CDH6: variants seen among roughly 807,000 people sequenced by gnomAD.
CDH6 encodes cadherin 6.
Under a neutral mutation model 78.0 loss-of-function variants are expected in CDH6, and 31 were observed. The ratio of observed to expected loss-of-function variants is 0.40; its 90% CI spans 0.30 to 0.54. The LOEUF (loss-of-function observed/expected upper bound fraction) is 0.54, where lower values mean the gene tolerates loss of function less well. CDH6 is among the 20% of genes least tolerant of loss of function. The pLI is 0.56. For missense variants in CDH6, 724 were observed against 975.9 expected, an observed-to-expected ratio of 0.74 and a Z score of 3.44; for synonymous variants, 376 against 368.8, an observed-to-expected ratio of 1.02 and a Z score of -0.23.
chr5:31,269,454 C>G (rs983778099), intron 2 of CDH6, among the ~76,000 whole-genome samples: 1 of 152,128 alleles, frequency 6.6e-6, no homozygotes. Flanking sequence ...ATTATGTGAC[C>G]TAGGACAGGT....
intron 1 of CDH6, among the ~76,000 whole-genome samples, chr5:31,247,983 A>G (rs1003877963): frequency 1.3e-5 from 2 of 152,210 alleles, no homozygotes; most frequent in East Asian, 1.9e-4. Context: ...ACTTTTTTCC[A>G]TATAGTTCAA....
chr5:31,285,172 G>A (rs980061489), intron 2 of CDH6, among the ~76,000 whole-genome samples: 17 of 152,176 alleles, frequency 1.1e-4, no homozygotes, highest in African/African-American at 3.1e-4. Flanking sequence ...TGCAACTTAC[G>A]GGAAGGAGTG....
intron 1 of CDH6, among the ~76,000 whole-genome samples, chr5:31,211,554 C>T (rs1388557386): frequency 2.0e-5 from 3 of 151,812 alleles, no homozygotes; most frequent in Non-Finnish European, 4.4e-5. Flanking sequence ...TATCTAAATC[C>T]AAGTCAAAAC....
intron 7 of CDH6, among the ~76,000 whole-genome samples, chr5:31,310,672 T>TCTAGATTTCAGAA (rs1738122538): frequency 2.6e-5 from 4 of 152,334 alleles, no homozygotes; most frequent in African/African-American, 9.6e-5. Flanking sequence ...AGGTGGGGGT[T>TCTAGATTTCAGAA]CCCAAACCTC....
chr5:31,199,103 T>C (rs1740248639), intron 1 of CDH6, among the ~76,000 whole-genome samples: 1 of 152,018 alleles, frequency 6.6e-6, no homozygotes, highest in African/African-American at 2.4e-5. Flanking sequence ...AGTAATAATA[T>C]AGACCAAGTA....
intron 7 of CDH6, 35 bp from the exon 8 acceptor site, chr5:31,313,282 AG>A (rs1257537855): frequency 6.3e-7 from 1 of 1,577,054 alleles, no homozygotes; most frequent in African/African-American, 1.3e-5. Flanking sequence ...GGAAATAGAA[AG>A]AAAAGCCTTT....
chr5:31,302,791 AGAG>A (rs1737818290), intron 6 of CDH6, among the ~76,000 whole-genome samples: 3 of 60,282 alleles, frequency 5.0e-5, no homozygotes, highest in African/African-American at 1.2e-4. Flanking sequence ...AGAGAGAGAG[AGAG>A]AGAGAGAAAG....
intron 2 of CDH6, among the ~76,000 whole-genome samples, chr5:31,284,673 T>C (rs920871609): frequency 7.9e-5 from 12 of 152,190 alleles, no homozygotes; most frequent in African/African-American, 2.9e-4. Flanking sequence ...GGGCAGTATG[T>C]GATGCCAGTG....
Position 31,294,527 on chromosome 5 carries a change from C to T in CDH6, c.523+271C>T, listed in dbSNP as rs902653593. ...AAAGAGAGACCATCTCCTTTCTCTCCCACCCTAAATGCCCATTCTCTTTCT... is the reference window on the plus strand; with the variant it reads ...AAAGAGAGACCATCTCCTTTCTCTCTCACCCTAAATGCCCATTCTCTTTCT... On this transcript the variant is annotated intron_variant, in intron 3 of 11. Coordinates refer to ENST00000265071, the MANE Select transcript of CDH6 (RefSeq NM_004932.4). The surrounding 1 kb of genome is among the most constrained non-coding windows in gnomAD (Gnocchi z 4.1). Among the ~76,000 whole-genome samples, 3 of 145,340 alleles carry T rather than the reference C, an allele frequency of 2.1e-5. No homozygotes were observed. The East Asian group carries it at 6.2e-4, about 30-fold the overall frequency.
At chr5:31,196,349 T>C (rs1579801654) in intron 1 of CDH6, among the ~76,000 whole-genome samples, 1 of 152,222 alleles carries the variant, frequency 6.6e-6, no homozygotes, top group Non-Finnish European at 1.5e-5. Flanking sequence ...TTAGGACTAA[T>C]TGAGTGAATG....
At chr5:31,283,538 T>C (rs1374641147) in intron 2 of CDH6, among the ~76,000 whole-genome samples, 1 of 152,164 alleles carries the variant, frequency 6.6e-6, no homozygotes, top group Admixed American at 6.5e-5. Flanking sequence ...GTTCAGGTCA[T>C]GTCCCGGCCC....
At chr5:31,311,527 A>G (rs1299917471) in intron 7 of CDH6, among the ~76,000 whole-genome samples, 1 of 152,210 alleles carries the variant, frequency 6.6e-6, no homozygotes, top group Non-Finnish European at 1.5e-5. Flanking sequence ...AGCTATCTTT[A>G]TAGCAGTCCC....
In CDH6 at chr5:31,328,414, T is replaced by C. The variant is rs1224209544; in HGVS notation, c.*5106T>C. On this transcript the variant is annotated 3_prime_UTR_variant, in exon 12 of 12. Transcript: ENST00000265071. The stretch of plus-strand genomic sequence containing the variant: ...GTTTAGTGTTTATTAAAGAATCAAA[T>C]GTATAGAATTACCAGGCATTCGTGG... 1.5e-5 allele frequency: 3 copies of C among 203,712 alleles called. 1 individual carries two copies. In the Admixed American group the frequency reaches 1.8e-4, roughly 12 times the overall value. The allele number at this position is 203,712 out of a possible 1,614,324, so 12.6% of individuals were successfully genotyped here. A position where few individuals can be genotyped will look rare whatever the true frequency, so the allele number is the denominator to read the frequency against.
rs35609367 is a variant in CDH6, at chr5:31,199,436, GTA to G, written c.-129+5557_-129+5558del. On this transcript the variant is annotated intron_variant, in intron 1 of 11. Coordinates refer to ENST00000265071, the MANE Select transcript of CDH6 (RefSeq NM_004932.4). ...GGTGTATATATGTACACACATATGT[GTA>G]TATATACACACACATATGTGTATAT... is the stretch of plus-strand genomic sequence containing the variant. 6.9e-3 allele frequency among the ~76,000 whole-genome samples: 769 copies of G among 112,166 alleles called. 4 individuals are homozygous for G. The highest frequency in any genetic ancestry group is 0.026 in the East Asian group (84 of 3,222). 73.6% of individuals were successfully genotyped at this position (112,166 alleles called of 152,430 possible).
intron 9 of CDH6, 60 bp from the exon 10 acceptor site, chr5:31,317,315 C>T (rs41270309): frequency 2.7e-4 from 216 of 804,482 alleles, no homozygotes; most frequent in Non-Finnish European, 4.2e-4. Context: ...TATTGCAAAA[C>T]GGTAAGAAAC....
intron 2 of CDH6, among the ~76,000 whole-genome samples, chr5:31,292,846 TGTGTGC>T (rs1463803980): frequency 0.023 from 329 of 14,606 alleles, 3 homozygotes; most frequent in African/African-American, 0.19. Context: ...TATATATATA[TGTGTGC>T]ATATATATAT....
intron 1 of CDH6, among the ~76,000 whole-genome samples, chr5:31,204,073 T>C (rs1466425386): frequency 6.6e-6 from 1 of 152,208 alleles, no homozygotes; most frequent in African/African-American, 2.4e-5. Context: ...GCAAATGCTA[T>C]TACCTGGAAG....
chr5:31,273,093 A>G (rs1480246405), intron 2 of CDH6, among the ~76,000 whole-genome samples: 3 of 152,236 alleles, frequency 2.0e-5, no homozygotes, highest in East Asian at 1.9e-4. Context: ...TCAGCCATAC[A>G]CACCTTTAAA....
chr5:31,209,346 C>A (rs1327599661), intron 1 of CDH6, among the ~76,000 whole-genome samples: 1 of 152,134 alleles, frequency 6.6e-6, no homozygotes, highest in African/African-American at 2.4e-5. Context: ...CTGCACAATT[C>A]TCTTGCTTAA....
Sources: gnomAD v4.1 joint callset for allele counts (sites outside exome capture counted in the v4.1 genomes callset) on GRCh38, gnomAD v4.1.1 for gene constraint, Gnocchi (gnomAD v3.1) non-coding constraint, MANE v1.5 for transcripts, NCBI Gene and HGNC (gene_info 2026-07-23, HGNC 2026-07-21) for gene names.